The following SIPA1L1 variants were observed in gnomAD, a reference collection of about 807,000 sequenced individuals.
SIPA1L1 encodes the protein signal-induced proliferation-associated 1-like protein 1.
SIPA1L1 carries 26 observed loss-of-function variants against 162.7 expected under a neutral mutation model. That is an observed-to-expected ratio of 0.16 (90% CI 0.12 to 0.22). The LOEUF is 0.22. SIPA1L1 is among the 10% of genes least tolerant of loss of function. The pLI is 1.00. For synonymous variants in SIPA1L1, 829 were observed against 837.4 expected (o/e 0.99, Z 0.17); for missense variants, 1,874 against 2,241.0 (o/e 0.84, Z 3.31).
intron 16 of SIPA1L1, 44 bp downstream of exon 16, chr14:71,705,384 T>C: frequency 1.5e-6 from 2 of 1,341,234 alleles, no homozygotes; most frequent in East Asian, 2.3e-5. Flanking sequence ...TTCCTAGCAG[T>C]GTACCTTCCT....
At chr14:71,502,255 A>AAAAATATATATATAT (rs67020418) in intron 2 of SIPA1L1, among the ~76,000 whole-genome samples, 2 of 97,556 alleles carry the variant, frequency 2.1e-5, no homozygotes, top group African/African-American at 4.5e-5. Context: ...AAAAAAAAAA[A>AAAAATATATATATAT]ATATATATAT....
intron 2 of SIPA1L1, among the ~76,000 whole-genome samples, chr14:71,400,133 G>T (rs1331925606): frequency 1.3e-5 from 2 of 152,006 alleles, no homozygotes; most frequent in Admixed American, 1.3e-4. Flanking sequence ...CCCAGCCCAA[G>T]AACTCACATT....
intron 2 of SIPA1L1, among the ~76,000 whole-genome samples, chr14:71,344,964 T>G (rs2036009656): frequency 6.6e-6 from 1 of 152,166 alleles, no homozygotes; most frequent in Non-Finnish European, 1.5e-5. Flanking sequence ...ATTCTTGGAT[T>G]TGTAAAATAA....
chr14:71,342,964 G>A (rs761683429), intron 2 of SIPA1L1, among the ~76,000 whole-genome samples: 22 of 152,182 alleles, frequency 1.4e-4, no homozygotes, highest in Admixed American at 1.3e-4. Context: ...AGAAGGCCAC[G>A]ATGTGCCTTC....
chr14:71,677,448 A>C (rs555637494), intron 12 of SIPA1L1, among the ~76,000 whole-genome samples: 2 of 152,144 alleles, frequency 1.3e-5, no homozygotes, highest in African/African-American at 4.8e-5. Context: ...ATAGTAGTTT[A>C]TTTTGGTGTG....
intron 2 of SIPA1L1, among the ~76,000 whole-genome samples, chr14:71,499,399 A>G (rs1466175534): frequency 1.3e-5 from 2 of 152,170 alleles, no homozygotes; most frequent in Non-Finnish European, 2.9e-5. Flanking sequence ...TATGTATGTA[A>G]TTTATATAAG....
At chr14:71,654,951 T>C (rs920649858) in intron 8 of SIPA1L1, among the ~76,000 whole-genome samples, 28 of 152,150 alleles carry the variant, frequency 1.8e-4, no homozygotes, top group African/African-American at 6.8e-4. Flanking sequence ...CTTAGTAATA[T>C]AGTAAACAGT....
intron 2 of SIPA1L1, among the ~76,000 whole-genome samples, chr14:71,328,899 T>C (rs753789386): frequency 6.6e-5 from 10 of 152,250 alleles, no homozygotes; most frequent in Non-Finnish European, 1.3e-4. Flanking sequence ...ATCTTGCGAA[T>C]CTGAAACTCT....
In SIPA1L1 at chr14:71,699,120, C is replaced by A; in HGVS notation, c.3514C>A (p.Pro1172Thr). ...VGGTYRQKSM[P>T]EGFGVSRRSP... Reference sequence around the variant, plus strand: ...GGGCACTTACAGGCAGAAGTCCATGCCCGAAGGGTAGTTATGCGTTTGTCC... The same window carrying A: ...GGGCACTTACAGGCAGAAGTCCATGACCGAAGGGTAGTTATGCGTTTGTCC... The change falls in exon 14 of 24, where the codon CCC becomes ACC. Residue 1172 changes from proline to threonine, a missense_variant. Physicochemically the swap from Pro to Thr is conservative, Grantham distance 38 (BLOSUM62 -1). Transcript: ENST00000381232. 6.2e-7 allele frequency: 1 copy of A among 1,614,100 alleles called. No individual in the cohort carries two copies. Among genetic ancestry groups the A allele is most frequent in the Non-Finnish European group, 8.5e-7 (1 of 1,179,942 alleles).
intron 2 of SIPA1L1, among the ~76,000 whole-genome samples, chr14:71,350,094 GA>G (rs1262211079): frequency 1.3e-5 from 2 of 152,166 alleles, no homozygotes; most frequent in Admixed American, 1.3e-4. Flanking sequence ...AAACTTTTTA[GA>G]AGTGGGAGGT....
intron 5 of SIPA1L1, among the ~76,000 whole-genome samples, chr14:71,597,182 A>G (rs1482179686): frequency 6.6e-6 from 1 of 151,600 alleles, no homozygotes; most frequent in Admixed American, 6.6e-5. Flanking sequence ...TGGTGTCACC[A>G]TGTCACCCAG....
chr14:71,674,066 AACAG>A (rs1232496953), intron 12 of SIPA1L1, among the ~76,000 whole-genome samples: 1 of 152,218 alleles, frequency 6.6e-6, no homozygotes. Flanking sequence ...ATTGCTTCTG[AACAG>A]ACAATTATAA....
At chr14:71,387,862 A>G (rs948053584) in intron 2 of SIPA1L1, among the ~76,000 whole-genome samples, 2 of 152,238 alleles carry the variant, frequency 1.3e-5, no homozygotes, top group Non-Finnish European at 2.9e-5. Context: ...TGTGCTTAAC[A>G]TTTAAATAAA....
rs530584464 is a variant in SIPA1L1, at chr14:71,488,516, A to T, written c.-464-24227A>T. 3.3e-5 allele frequency among the ~76,000 whole-genome samples: 5 copies of T among 152,326 alleles called. No homozygotes were observed. In the South Asian group the frequency reaches 1.0e-3, roughly 32 times the overall value. ...GAAAAATAATTTTTAAAAAGCTGTA[A>T]AAGTTCCCAGTGCTTTGAGGCTTCT... On this transcript the variant is annotated intron_variant, in intron 2 of 23. Coordinates refer to ENST00000381232, the MANE Select transcript of SIPA1L1 (RefSeq NM_001386936.1).
At chr14:71,667,961 A>T in intron 10 of SIPA1L1, among the ~76,000 whole-genome samples, 1 of 151,930 alleles carries the variant, frequency 6.6e-6, no homozygotes, top group East Asian at 1.9e-4. Flanking sequence ...GCTTCTGGGG[A>T]GGCTGAGGCA....
chr14:71,393,957 G>A (rs1408664152), intron 2 of SIPA1L1, among the ~76,000 whole-genome samples: 1 of 152,232 alleles, frequency 6.6e-6, no homozygotes, highest in Non-Finnish European at 1.5e-5. Context: ...AAAGTCACTT[G>A]TTAACAAGCA....
chr14:71,553,971 T>G (rs2056112558), intron 4 of SIPA1L1, among the ~76,000 whole-genome samples: 1 of 152,186 alleles, frequency 6.6e-6, no homozygotes, highest in African/African-American at 2.4e-5. Flanking sequence ...AGGTACAGAC[T>G]TTGAACTTTG....
chr14:71,327,186 G>T (rs967003249), intron 2 of SIPA1L1, among the ~76,000 whole-genome samples: 9 of 150,510 alleles, frequency 6.0e-5, no homozygotes, highest in African/African-American at 2.0e-4. Flanking sequence ...GGGTTCAAGC[G>T]ATTCTCCTGC....
chr14:71,739,235 A>T lies in SIPA1L1; in HGVS notation c.*74A>T. ...GTGTCCTGCAGCCCTTATTCCCTCCATAGAAAGCATCCTCAGAGCACCTTC... is the reference window on the plus strand; with the variant it reads ...GTGTCCTGCAGCCCTTATTCCCTCCTTAGAAAGCATCCTCAGAGCACCTTC... On this transcript the variant is annotated 3_prime_UTR_variant, in exon 24 of 24. Coordinates refer to ENST00000381232, the MANE Select transcript of SIPA1L1 (RefSeq NM_001386936.1). 1 of 1,423,520 alleles carries T rather than the reference A, an allele frequency of 7.0e-7. No individual in the cohort carries two copies. The highest frequency in any genetic ancestry group is 1.6e-5 in the South Asian group (1 of 61,116). The allele number at this position is 1,423,520 out of a possible 1,614,324, so 88.2% of individuals were successfully genotyped here. A position where few individuals can be genotyped will look rare whatever the true frequency, so the allele number is the denominator to read the frequency against.
Sources: gnomAD v4.1 joint callset for allele counts (sites outside exome capture counted in the v4.1 genomes callset) on GRCh38, gnomAD v4.1.1 for gene constraint, MANE v1.5 for transcripts, NCBI Gene and HGNC (gene_info 2026-07-23, HGNC 2026-07-21) for gene names.